Variants in NALCN observed in about 807,000 individuals in gnomAD.
The protein encoded by NALCN is sodium leak channel NALCN.
In NALCN, 111 loss-of-function variants were observed where a neutral mutation model predicts 225.3. That is an observed-to-expected ratio of 0.49 (90% CI 0.42 to 0.58). The LOEUF is 0.58. NALCN is among the 20% of genes least tolerant of loss of function. NALCN has a pLI of 0.00. For missense variants in NALCN, 1,378 were observed against 2,202.4 expected (o/e 0.63, Z 7.49); for synonymous variants, 764 against 769.0 (o/e 0.99, Z 0.11).
intron 18 of NALCN, among the ~76,000 whole-genome samples, chr13:101,122,294 A>C (rs1417469925): frequency 6.6e-6 from 1 of 152,228 alleles, no homozygotes; most frequent in Non-Finnish European, 1.5e-5. Context: ...TTGTATTTTA[A>C]AAAATTCTAA....
chr13:101,218,375 G>A (rs181827669), intron 13 of NALCN, among the ~76,000 whole-genome samples: 10 of 152,158 alleles, frequency 6.6e-5, no homozygotes, highest in African/African-American at 2.4e-4. Context: ...AAATTAAGGT[G>A]TTAGCAGGGC....
chr13:101,195,085 A>G (rs1240676476), intron 13 of NALCN, among the ~76,000 whole-genome samples: 1 of 152,172 alleles, frequency 6.6e-6, no homozygotes, highest in Non-Finnish European at 1.5e-5. Flanking sequence ...ACTGAGGGGC[A>G]ACAGAGAAGA....
chr13:101,358,785 G>A (rs574297084), intron 6 of NALCN, among the ~76,000 whole-genome samples: 19 of 152,182 alleles, frequency 1.2e-4, no homozygotes, highest in African/African-American at 4.3e-4. Context: ...GCAAAGACAC[G>A]GAACCACCCA....
At position 101,070,063 on chromosome 13, in the gene NALCN, G is replaced by GTTCTTTTTTTTT. The variant is rs536866923; in HGVS notation, c.4198-1237_4198-1236insAAAAAAAAAGAA. 6.2e-4 allele frequency among the ~76,000 whole-genome samples: 61 copies of GTTCTTTTTTTTT among 98,308 alleles called. 7 individuals are homozygous for GTTCTTTTTTTTT. The highest frequency in any genetic ancestry group is 1.7e-3 in the African/African-American group (41 of 23,652). 64.5% of individuals were successfully genotyped at this position (98,308 alleles called of 152,430 possible). On this transcript the variant is annotated intron_variant, in intron 37 of 43. Coordinates refer to ENST00000251127, the MANE Select transcript of NALCN (RefSeq NM_052867.4). ...TGACCTCCTTCCATGAATCATGAAT[G>GTTCTTTTTTTTT]TTTTTTTTTTTTTTTTTTTTTGAGA...
At chr13:101,087,386 C>G (rs2033984442) in intron 30 of NALCN, among the ~76,000 whole-genome samples, 1 of 151,734 alleles carries the variant, frequency 6.6e-6, no homozygotes, top group African/African-American at 2.4e-5. Flanking sequence ...GTGTCAAGAG[C>G]AGCCTCTGGC....
intron 13 of NALCN, among the ~76,000 whole-genome samples, chr13:101,198,838 A>G (rs1317718991): frequency 6.6e-6 from 1 of 152,232 alleles, no homozygotes; most frequent in Non-Finnish European, 1.5e-5. Context: ...AGACACATGC[A>G]TATGTATGTT....
At chr13:101,110,404 G>A (rs1285412212) in intron 20 of NALCN, among the ~76,000 whole-genome samples, 1 of 152,130 alleles carries the variant, frequency 6.6e-6, no homozygotes, top group Non-Finnish European at 1.5e-5. Context: ...TAAGACATGT[G>A]CTTTGTGTGG....
chr13:101,065,118 C>A (rs1241244587), intron 40 of NALCN, among the ~76,000 whole-genome samples: 1 of 152,182 alleles, frequency 6.6e-6, no homozygotes, highest in East Asian at 1.9e-4. Flanking sequence ...CTCCCAGATC[C>A]CTTCCACCTC....
chr13:101,405,218 G>C (rs1183641100), intron 1 of NALCN, among the ~76,000 whole-genome samples: 1 of 152,194 alleles, frequency 6.6e-6, no homozygotes, highest in Non-Finnish European at 1.5e-5. Context: ...ATGCTTAACA[G>C]CAAGATGGCC....
At chr13:101,114,836 C>T (rs1463134197) in intron 18 of NALCN, among the ~76,000 whole-genome samples, 4 of 152,192 alleles carry the variant, frequency 2.6e-5, no homozygotes, top group African/African-American at 9.7e-5. Context: ...ATGGCTTGCA[C>T]AGCCCCGTTT....
chr13:101,333,465 G>A (rs1443521178), intron 7 of NALCN, among the ~76,000 whole-genome samples: 1 of 152,180 alleles, frequency 6.6e-6, no homozygotes, highest in Admixed American at 6.5e-5. Flanking sequence ...AAAAATGGAT[G>A]GGCTCTCTCC....
intron 17 of NALCN, among the ~76,000 whole-genome samples, chr13:101,134,068 G>C (rs1026574046): frequency 7.2e-5 from 11 of 152,144 alleles, no homozygotes; most frequent in Non-Finnish European, 1.6e-4. Context: ...TGCTCGGGAG[G>C]CTGAGGCAGG....
chr13:101,090,126 ATATG>A (rs1298520496), intron 28 of NALCN, among the ~76,000 whole-genome samples, 160 bp from the exon 29 acceptor site: 2 of 152,126 alleles, frequency 1.3e-5, no homozygotes, highest in African/African-American at 4.8e-5. Flanking sequence ...ACACACATAC[ATATG>A]TGTGTATATG....
intron 7 of NALCN, among the ~76,000 whole-genome samples, chr13:101,344,273 G>T (rs1426044629): frequency 6.6e-6 from 1 of 152,122 alleles, no homozygotes; most frequent in Non-Finnish European, 1.5e-5. Flanking sequence ...ACATCAGTTG[G>T]CTTCTGGATT....
At chr13:101,256,328 T>C (rs983502955) in intron 11 of NALCN, among the ~76,000 whole-genome samples, 55 of 152,190 alleles carry the variant, frequency 3.6e-4, no homozygotes, top group African/African-American at 1.3e-3. Flanking sequence ...CATTTCCACA[T>C]CCAACAGAAA....
intron 13 of NALCN, among the ~76,000 whole-genome samples, chr13:101,200,409 T>C (rs1341056459): frequency 6.6e-6 from 1 of 152,184 alleles, no homozygotes; most frequent in African/African-American, 2.4e-5. Context: ...TGATCTTCCT[T>C]GATATTACTT....
At chr13:101,076,803 T>C (rs2033285300) in intron 34 of NALCN, among the ~76,000 whole-genome samples, 2 of 152,106 alleles carry the variant, frequency 1.3e-5, no homozygotes, top group African/African-American at 2.4e-5. Flanking sequence ...AAAAGGGAAG[T>C]TGGTCTTTGG....
intron 13 of NALCN, 107 bp from the exon 14 acceptor site, chr13:101,192,161 A>G: frequency 2.3e-6 from 3 of 1,305,464 alleles, no homozygotes; most frequent in South Asian, 1.4e-5. Context: ...ATTGATTTTT[A>G]TCTGATCAGG....
At chr13:101,060,599 A>G (rs1331704381) in intron 41 of NALCN, among the ~76,000 whole-genome samples, 1 of 151,746 alleles carries the variant, frequency 6.6e-6, no homozygotes, top group African/African-American at 2.4e-5. Flanking sequence ...CTTATGTCTT[A>G]TTTAAAATTA....
Sources: allele counts gnomAD v4.1 joint callset (sites outside exome capture counted in the v4.1 genomes callset), GRCh38; gene constraint gnomAD v4.1.1; transcripts MANE v1.5; gene names NCBI Gene and HGNC (gene_info 2026-07-23, HGNC 2026-07-21).